TASOR: variants seen among roughly 807,000 people sequenced by gnomAD.
The protein encoded by TASOR is protein TASOR.
In TASOR, 53 loss-of-function variants were observed where a neutral mutation model predicts 178.6. The ratio of observed to expected loss-of-function variants is 0.30; its 90% CI spans 0.24 to 0.37. TASOR has a LOEUF of 0.37. Among genes scored for constraint, TASOR ranks in the 10% least tolerant of loss-of-function variants. The probability of loss-of-function intolerance (pLI) is 1.00; values close to 1 mark genes in which losing one functional copy is unlikely to be tolerated. For missense variants in TASOR, 1,815 were observed against 1,971.4 expected, an observed-to-expected ratio of 0.92 and a Z score of 1.50; for synonymous variants, 713 against 696.2, an observed-to-expected ratio of 1.02 and a Z score of -0.38.
rs2031942007 is a variant in TASOR, at chr3:56,682,979, A to G, written c.28T>C (p.Cys10Arg). MATAVETEA[C>R]QPTDASWESG... ...TCCCAACTCGCATCCGTCGGCTGAC[A>G]GGCCTCCGTCTCCACAGCAGTCGCC... is the stretch of plus-strand genomic sequence containing the variant. Residue 10 changes from cysteine to arginine, a missense_variant, in exon 1 of 24, where the codon TGT (cysteine) becomes CGT (arginine). Coordinates refer to ENST00000683822, the MANE Select transcript of TASOR (RefSeq NM_001365635.2). 7 of 1,548,866 alleles carry G rather than the reference A, an allele frequency of 4.5e-6. No homozygotes were observed. The highest frequency in any genetic ancestry group is 6.1e-6 in the Non-Finnish European group (7 of 1,146,074).
intron 17 of TASOR, among the ~76,000 whole-genome samples, chr3:56,635,540 C>A (rs1275631396): frequency 6.6e-6 from 1 of 152,066 alleles, no homozygotes; most frequent in Non-Finnish European, 1.5e-5. Context: ...TTTTGGACTT[C>A]TTGAATTACG....
chr3:56,668,442 A>G lies in TASOR; in HGVS notation c.852T>C (p.Asn284=). 6.4e-7 allele frequency: 1 copy of G among 1,551,658 alleles called. No individual in the cohort carries two copies. Among genetic ancestry groups the G allele is most frequent in the Non-Finnish European group, 8.7e-7 (1 of 1,146,974 alleles). Residue 284 remains asparagine, a synonymous_variant, in exon 6 of 24, where the codon AAT becomes AAC. Transcript: ENST00000683822. ...TGTAAGCCAAAAGTGATGTAATTCG[A>G]TTGGCATTCTTTGACACGTGACATT... ...KHECHVSKNA[N]RITSLLAYRA...
intron 18 of TASOR, among the ~76,000 whole-genome samples, chr3:56,629,718 T>C (rs1181600126): frequency 6.6e-6 from 1 of 152,122 alleles, no homozygotes; most frequent in Non-Finnish European, 1.5e-5. Context: ...CTGGAGGTCA[T>C]ATTCCTCATT....
At chr3:56,648,332 T>TA (rs1331888658) in intron 13 of TASOR, among the ~76,000 whole-genome samples, 2 of 150,634 alleles carry the variant, frequency 1.3e-5, no homozygotes, top group East Asian at 2.0e-4. Context: ...TTTTCATAGT[T>TA]AAAAAAAATC....
rs765321754 is a variant in TASOR, at chr3:56,633,596, T to C, written c.3195A>G (p.Ile1065Met). The C allele has an allele frequency of 5.0e-6, 8 of 1,614,144 alleles. No homozygotes were observed. The highest frequency in any genetic ancestry group is 3.3e-5 in the Admixed American group (2 of 60,022). ...QEKMKRLSEF[I>M]YSKTSKAGVQ... is the part of the protein sequence containing the mutation. ...CACCAGCTTTGGAAGTCTTAGAATA[T>C]ATGAACTCGGAAAGCCGTTTCATCT... The change falls in exon 18 of 24, where the codon ATA becomes ATG. Residue 1065 changes from isoleucine to methionine, a missense_variant. This residue lies in a region of TASOR where 655 missense variants were observed against 671.1 expected (regional missense o/e 0.98). Coordinates refer to ENST00000683822, the MANE Select transcript of TASOR (RefSeq NM_001365635.2).
At chr3:56,671,414 A>G in intron 3 of TASOR, 186 bp downstream of exon 3, 1 of 515,984 alleles carries the variant, frequency 1.9e-6, no homozygotes, top group South Asian at 3.1e-5. Flanking sequence ...GACTGGTCAG[A>G]GAAAAAACTG....
In TASOR at chr3:56,628,125, T is replaced by C. The variant is rs181316687; in HGVS notation, c.3870+367A>G. Among the ~76,000 whole-genome samples, 315 of 152,276 alleles carry C rather than the reference T, an allele frequency of 2.1e-3. 1 individual carries two copies. Among genetic ancestry groups the C allele is most frequent in the Non-Finnish European group, 2.0e-3 (138 of 68,016 alleles). ...TGGAGATAGGGCTCCTAAGACTAGA[T>C]GGGATACCTCAAAATTTAAGGGAAA... is the stretch of plus-strand genomic sequence containing the variant. On this transcript the variant is annotated intron_variant, in intron 19 of 23. Transcript: ENST00000683822.
At chr3:56,673,063 G>A (rs1005597261) in intron 2 of TASOR, among the ~76,000 whole-genome samples, 3 of 151,904 alleles carry the variant, frequency 2.0e-5, no homozygotes, top group South Asian at 4.2e-4. Context: ...CGTCCACCTC[G>A]GCCTCCCAAA....
intron 1 of TASOR, among the ~76,000 whole-genome samples, chr3:56,675,345 T>G (rs916529632): frequency 5.3e-5 from 8 of 151,372 alleles, no homozygotes; most frequent in Non-Finnish European, 1.2e-4. Context: ...CCCAGCTAAT[T>G]TTTAGATTTT....
At chr3:56,665,506 ACCACCACAT>A (rs1381326524) in intron 7 of TASOR, among the ~76,000 whole-genome samples, 4 of 151,964 alleles carry the variant, frequency 2.6e-5, no homozygotes, top group Non-Finnish European at 5.9e-5. Flanking sequence ...ACAGGCACGT[ACCACCACAT>A]CCAGCTAATT....
chr3:56,622,785 T>A lies in TASOR; in HGVS notation c.*252A>T. 7.7e-6 allele frequency: 2 copies of A among 258,846 alleles called. No homozygotes were observed. The highest frequency in any genetic ancestry group is 1.4e-5 in the Non-Finnish European group (2 of 139,722). The allele number at this position is 258,846 out of a possible 1,614,324, so 16.0% of individuals were successfully genotyped here. On this transcript the variant is annotated 3_prime_UTR_variant, in exon 24 of 24. Coordinates refer to ENST00000683822, the MANE Select transcript of TASOR (RefSeq NM_001365635.2). Reference sequence around the variant, plus strand: ...TTTTACACATAAAACAGGCTTCAATTTGAAGCCTAAGTACAGGTAACATAC... The same window carrying A: ...TTTTACACATAAAACAGGCTTCAATATGAAGCCTAAGTACAGGTAACATAC...
intron 23 of TASOR, chr3:56,623,796 G>A (rs1029755536): frequency 1.3e-6 from 2 of 1,550,970 alleles, no homozygotes; most frequent in African/African-American, 2.7e-5. Context: ...GTTTAATGTT[G>A]GGAAATCCCA....
intron 11 of TASOR, among the ~76,000 whole-genome samples, chr3:56,657,346 G>C (rs967714979): frequency 6.4e-4 from 93 of 144,568 alleles, no homozygotes; most frequent in African/African-American, 2.3e-3. Flanking sequence ...AAAAAAAAAA[G>C]TCAATATAAT....
In TASOR at chr3:56,683,034, C is replaced by T; in HGVS notation, c.-28G>A. 2.7e-6 allele frequency: 4 copies of T among 1,497,630 alleles called. No individual in the cohort carries two copies. Among genetic ancestry groups the T allele is most frequent in the Non-Finnish European group, 3.6e-6 (4 of 1,121,774 alleles). 92.8% of individuals were successfully genotyped at this position (1,497,630 alleles called of 1,614,324 possible). On this transcript the variant is annotated 5_prime_UTR_variant, in exon 1 of 24. Transcript: ENST00000683822. ...CGCCGGCCTAAGGAGCTCTGGGAAG[C>T]TTCTGCCCACAAGGTCGACGGGTGT...
intron 15 of TASOR, among the ~76,000 whole-genome samples, chr3:56,641,095 T>G (rs1264076873): frequency 8.8e-6 from 1 of 113,194 alleles, no homozygotes; most frequent in African/African-American, 4.5e-5. Flanking sequence ...TAATAGATTG[T>G]TCCGCCTAAG....
chr3:56,655,204 T>C (rs141375176), intron 11 of TASOR, among the ~76,000 whole-genome samples: 12 of 152,366 alleles, frequency 7.9e-5, no homozygotes, highest in African/African-American at 2.9e-4. Context: ...AAGGCTTTTT[T>C]TTCTTTAAAT....
At chr3:56,640,682 G>T (rs2077102787) in intron 15 of TASOR, among the ~76,000 whole-genome samples, 1 of 151,910 alleles carries the variant, frequency 6.6e-6, no homozygotes, top group Non-Finnish European at 1.5e-5. Flanking sequence ...ACAAAGGCAG[G>T]GAAGAGAAAA....
At chr3:56,663,618 A>G in intron 7 of TASOR, 46 bp from the exon 8 acceptor site, 1 of 1,289,156 alleles carries the variant, frequency 7.8e-7, no homozygotes, top group Non-Finnish European at 1.0e-6. Context: ...CATTAGTATA[A>G]TCATAAAAAT....
In TASOR at chr3:56,682,798, C is replaced by T. The variant is rs939199292; in HGVS notation, c.209G>A (p.Ser70Asn). The T allele has an allele frequency of 1.9e-6, 3 of 1,550,382 alleles. No homozygotes were observed. The African/African-American group carries it at 4.1e-5, about 21-fold the overall frequency. ...NAGAEAAQSL[S>N]HEQPQDSSEA... The stretch of plus-strand genomic sequence containing the variant: ...AGAGGAGTCCTGAGGCTGCTCGTGG[C>T]TGAGGCTCTGGGCGGCCTCGGCCCC... Residue 70 changes from serine to asparagine, a missense_variant, in exon 1 of 24, where the codon AGC (serine) becomes AAC (asparagine). Around this residue, in one of 5 missense-constraint regions of TASOR, gnomAD observed 244 missense variants for 202.7 expected, o/e 1.20. Transcript: ENST00000683822.
Sources: allele counts gnomAD v4.1 joint callset (sites outside exome capture counted in the v4.1 genomes callset), GRCh38; gene constraint gnomAD v4.1.1; regional missense constraint gnomAD v4.1.1; transcripts MANE v1.5; gene names NCBI Gene and HGNC (gene_info 2026-07-23, HGNC 2026-07-21).